The following FAM135B variants were observed in gnomAD, a reference collection of about 807,000 sequenced individuals.
FAM135B encodes the protein family with sequence similarity 135 member B, also known as protein FAM135B.
Under a neutral mutation model 127.7 loss-of-function variants are expected in FAM135B, and 43 were observed. The observed-to-expected ratio is 0.34, with a 90% CI of 0.26 to 0.43. FAM135B has a LOEUF of 0.43. Ranked by LOEUF, FAM135B falls within the 20% of genes least tolerant of loss-of-function variation. FAM135B has a pLI of 1.00. For synonymous variants in FAM135B, 670 were observed against 665.1 expected, an observed-to-expected ratio of 1.01 and a Z score of -0.11; for missense variants, 1,558 against 1,725.6, an observed-to-expected ratio of 0.90 and a Z score of 1.72.
At chr8:138,238,733 AG>A (rs1303247312) in intron 7 of FAM135B, among the ~76,000 whole-genome samples, 1 of 152,186 alleles carries the variant, frequency 6.6e-6, no homozygotes, top group Non-Finnish European at 1.5e-5. Context: ...TGGGCTTCTC[AG>A]GGATTTGGAT....
At chr8:138,423,217 G>C (rs541656892) in intron 1 of FAM135B, among the ~76,000 whole-genome samples, 1 of 152,282 alleles carries the variant, frequency 6.6e-6, no homozygotes, top group African/African-American at 2.4e-5. Context: ...ACCCAGACAA[G>C]GGGCAACTTA....
chr8:138,451,963 T>C (rs1836509291), intron 1 of FAM135B, among the ~76,000 whole-genome samples: 1 of 152,184 alleles, frequency 6.6e-6, no homozygotes, highest in Non-Finnish European at 1.5e-5. Flanking sequence ...TCCTCCTTCA[T>C]TCTTTTTCAC....
intron 1 of FAM135B, among the ~76,000 whole-genome samples, chr8:138,420,712 C>A (rs1408055006): frequency 6.6e-6 from 1 of 151,854 alleles, no homozygotes; most frequent in East Asian, 1.9e-4. Flanking sequence ...AAATGAGATT[C>A]ATCACATAAA....
chr8:138,181,312 C>A (rs960005115), intron 9 of FAM135B, among the ~76,000 whole-genome samples: 1 of 152,144 alleles, frequency 6.6e-6, no homozygotes, highest in Non-Finnish European at 1.5e-5. Context: ...CATTACAAAA[C>A]CTCCTGGCTA....
chr8:138,149,735 C>T (rs897303816), intron 13 of FAM135B, among the ~76,000 whole-genome samples: 1 of 152,148 alleles, frequency 6.6e-6, no homozygotes, highest in Non-Finnish European at 1.5e-5. Flanking sequence ...CTTTGCCTGG[C>T]TGCTATCCCT....
chr8:138,309,151 A>G (rs2130883600), intron 3 of FAM135B: 2 of 365,622 alleles, frequency 5.5e-6, no homozygotes, highest in Non-Finnish European at 1.1e-5. Context: ...TTATTATCCA[A>G]TGTACACATA....
chr8:138,480,704 G>A (rs888436394), intron 1 of FAM135B, among the ~76,000 whole-genome samples: 4 of 152,182 alleles, frequency 2.6e-5, no homozygotes, highest in Admixed American at 1.3e-4. Context: ...TGCATCTCTC[G>A]TCATTTTGAG....
intron 1 of FAM135B, among the ~76,000 whole-genome samples, chr8:138,392,271 T>C (rs1009301426): frequency 2.6e-5 from 4 of 152,172 alleles, no homozygotes; most frequent in Admixed American, 2.6e-4. Flanking sequence ...CTTGCATGTA[T>C]CTCTAGGCTT....
At chr8:138,346,710 T>G (rs1490980670) in intron 2 of FAM135B, among the ~76,000 whole-genome samples, 2 of 152,140 alleles carry the variant, frequency 1.3e-5, no homozygotes, top group African/African-American at 2.4e-5. Context: ...GAATAGCCAA[T>G]GAACACTGGG....
At chr8:138,487,897 G>T (rs1350833667) in intron 1 of FAM135B, among the ~76,000 whole-genome samples, 10 of 152,058 alleles carry the variant, frequency 6.6e-5, no homozygotes, top group Admixed American at 6.6e-4. Flanking sequence ...CCAGCTACTG[G>T]GGAGGCCGAG....
At chr8:138,216,328 C>A (rs1818542278) in intron 7 of FAM135B, among the ~76,000 whole-genome samples, 1 of 152,182 alleles carries the variant, frequency 6.6e-6, no homozygotes, top group African/African-American at 2.4e-5. Context: ...CTCAGACTAT[C>A]TTTTAATAAC....
At chr8:138,147,004 G>A (rs4501627) in intron 14 of FAM135B, among the ~76,000 whole-genome samples, 51,610 of 151,986 alleles carry the variant, frequency 0.34, 9,454 homozygotes, top group East Asian at 0.52. Flanking sequence ...ACGGAATTGG[G>A]GGAAGTCCAG....
intron 1 of FAM135B, among the ~76,000 whole-genome samples, chr8:138,470,532 A>G (rs1051856805): frequency 6.6e-6 from 1 of 152,170 alleles, no homozygotes; most frequent in Non-Finnish European, 1.5e-5. Flanking sequence ...ATGTGTCTGG[A>G]AAAAAGCTTT....
intron 1 of FAM135B, among the ~76,000 whole-genome samples, chr8:138,373,727 T>C (rs999415060): frequency 6.6e-6 from 1 of 151,678 alleles, no homozygotes; most frequent in African/African-American, 2.4e-5. Context: ...TGAGGGTGAG[T>C]CTCTAAAATG....
intron 7 of FAM135B, among the ~76,000 whole-genome samples, chr8:138,224,947 G>GA (rs967810761): frequency 4.6e-5 from 7 of 151,862 alleles, no homozygotes; most frequent in African/African-American, 1.2e-4. Context: ...GGCGGGGATG[G>GA]AAAAAAAAGG....
chr8:138,173,478 C>A (rs1429620906), intron 11 of FAM135B, among the ~76,000 whole-genome samples: 2 of 152,244 alleles, frequency 1.3e-5, no homozygotes, highest in Non-Finnish European at 2.9e-5. Flanking sequence ...TACTTAACCT[C>A]TCTGAGCCCA....
chr8:138,346,113 C>T (rs772708498), intron 2 of FAM135B, among the ~76,000 whole-genome samples: 28 of 152,154 alleles, frequency 1.8e-4, no homozygotes, highest in Non-Finnish European at 3.2e-4. Flanking sequence ...TACCATCTCA[C>T]GCCAGTCAGA....
chr8:138,253,397 A>C (rs1821849203), intron 5 of FAM135B, among the ~76,000 whole-genome samples: 1 of 152,112 alleles, frequency 6.6e-6, no homozygotes, highest in Non-Finnish European at 1.5e-5. Context: ...TGGGGACTGA[A>C]TCATGCTTTC....
intron 2 of FAM135B, among the ~76,000 whole-genome samples, chr8:138,337,942 AG>A (rs1294082867): frequency 6.6e-6 from 1 of 152,164 alleles, no homozygotes; most frequent in Non-Finnish European, 1.5e-5. Flanking sequence ...GAGAGCCCTC[AG>A]AAATAATGCC....
Sources: allele counts gnomAD v4.1 joint callset (sites outside exome capture counted in the v4.1 genomes callset), GRCh38; gene constraint gnomAD v4.1.1; transcripts MANE v1.5; gene names NCBI Gene and HGNC (gene_info 2026-07-23, HGNC 2026-07-21).